The following ACTG1 variants were observed in gnomAD, a reference collection of about 807,000 sequenced individuals.
The protein encoded by ACTG1 is actin gamma 1.
Under a neutral mutation model 34.3 loss-of-function variants are expected in ACTG1, and 14 were observed. That is an observed-to-expected ratio of 0.41 (90% CI 0.27 to 0.64). The LOEUF (loss-of-function observed/expected upper bound fraction) is 0.64. Among genes scored for constraint, ACTG1 ranks in the 30% least tolerant of loss-of-function variants. The pLI is 0.33. For synonymous variants in ACTG1, 422 were observed against 213.9 expected (o/e 1.97, Z -8.49); for missense variants, 233 against 529.5 (o/e 0.44, Z 5.50).
chr17:81,510,037 AT>A lies in ACTG1; in HGVS notation c.*652del. 2.2e-6 allele frequency: 1 copy of A among 448,804 alleles called. No individual in the cohort carries two copies. The highest frequency in any genetic ancestry group is 7.0e-5 in the East Asian group (1 of 14,356). 27.8% of individuals were successfully genotyped at this position (448,804 alleles called of 1,614,324 possible). A position where few individuals can be genotyped will look rare whatever the true frequency, so the allele number is the denominator to read the frequency against. The stretch of plus-strand genomic sequence containing the variant: ...TGTTGCTGGGGCCTAATGTTCTCAC[AT>A]AACAGTAGAAAACCAAAATTTGTTG... On this transcript the variant is annotated 3_prime_UTR_variant, in exon 6 of 6. Transcript: ENST00000573283.
At chr17:81,512,438 CG>C in intron 1 of ACTG1, 78 bp from the exon 2 acceptor site, 2 of 1,610,334 alleles carry the variant, frequency 1.2e-6, no homozygotes, top group South Asian at 2.2e-5. Flanking sequence ...TGCCCTCCCG[CG>C]GGGAAGCCTC....
In ACTG1 at chr17:81,510,263, C is replaced by CA. The variant is rs143167427; in HGVS notation, c.*426dup. ...TTCCAACCCTGACAGACCCGCAAGA[C>CA]AAAACAACTGGTTCTTGCCAGCCTC... On this transcript the variant is annotated 3_prime_UTR_variant, in exon 6 of 6. Transcript: ENST00000573283. The CA allele has an allele frequency of 0.023, 12,287 of 530,316 alleles. 338 individuals are homozygous for CA. Among genetic ancestry groups the CA allele is most frequent in the African/African-American group, 0.098 (4,964 of 50,680 alleles). 32.9% of individuals were successfully genotyped at this position (530,316 alleles called of 1,614,324 possible).
rs1448668266 is a variant in ACTG1, at chr17:81,510,479, C to T, written c.*211G>A. On this transcript the variant is annotated 3_prime_UTR_variant, in exon 6 of 6. Transcript: ENST00000573283. ...TATGTACAGGGTATTAAACAAATAC[C>T]AAGGGGAACAGTTAACTTCAATACA... is the stretch of plus-strand genomic sequence containing the variant. The T allele has an allele frequency of 6.8e-6, 5 of 731,526 alleles. No individual in the cohort carries two copies. Among genetic ancestry groups the T allele is most frequent in the Admixed American group, 2.0e-5 (1 of 49,500 alleles). The allele number at this position is 731,526 out of a possible 1,614,324, so 45.3% of individuals were successfully genotyped here.
chr17:81,510,556 G>C lies in ACTG1; in HGVS notation c.*134C>G, dbSNP rs28478053. The C allele has an allele frequency of 1.7e-6, 2 of 1,169,096 alleles. No individual in the cohort carries two copies. The highest frequency in any genetic ancestry group is 2.5e-6 in the Non-Finnish European group (2 of 788,084). The allele number at this position is 1,169,096 out of a possible 1,614,324, so 72.4% of individuals were successfully genotyped here. ...AATCCAGTGCTGATATCAGATACAAGCTTCAAGGACAATTTCTTTTCGAAG... is the reference window on the plus strand; with the variant it reads ...AATCCAGTGCTGATATCAGATACAACCTTCAAGGACAATTTCTTTTCGAAG... On this transcript the variant is annotated 3_prime_UTR_variant, in exon 6 of 6. Transcript: ENST00000573283.
chr17:81,511,122 C>T lies in ACTG1; in HGVS notation c.803-14G>A. 1 of 1,613,876 alleles carries T rather than the reference C, an allele frequency of 6.2e-7. No homozygotes were observed. On this transcript the variant is annotated splice_polypyrimidine_tract_variant and intron_variant, in intron 4 of 5. Transcript: ENST00000573283. ...AAGATTCCATACCTAGGGGACAGAG[C>T]CCTCCCTTAGTGATGCTGTGTCACC...
intron 3 of ACTG1, 35 bp downstream of exon 3, chr17:81,511,868 G>A (rs782510294): frequency 1.8e-5 from 29 of 1,613,528 alleles, no homozygotes; most frequent in Non-Finnish European, 1.4e-5. Context: ...ACTGGGGAAA[G>A]GACGGGAGGA....
Position 81,512,737 on chromosome 17 carries a change from C to G in ACTG1, c.-10G>C, listed in dbSNP as rs1555667528. On this transcript the variant is annotated 5_prime_UTR_variant, in exon 1 of 6. Coordinates refer to ENST00000573283, the MANE Select transcript of ACTG1 (RefSeq NM_001614.5). Reference sequence around the variant, plus strand: ...GGCCCCGGGGCGGGGCGCTCACCGGCAGAGAAACGCGACGGCGGAGCGGCG... The same window carrying G: ...GGCCCCGGGGCGGGGCGCTCACCGGGAGAGAAACGCGACGGCGGAGCGGCG... 2.4e-6 allele frequency: 1 copy of G among 412,536 alleles called. No homozygotes were observed. The highest frequency in any genetic ancestry group is 4.7e-6 in the Non-Finnish European group (1 of 212,526). 25.6% of individuals were successfully genotyped at this position (412,536 alleles called of 1,614,324 possible).
Position 81,510,871 on chromosome 17 carries a change from C to T in ACTG1, c.985-38G>A, listed in dbSNP as rs527632143. Reference sequence around the variant, plus strand: ...CCAGGCACGGCTTCAGCTCACAGAGCGCCCCCCAGTCAGCTCTCCCGAGCC... The same window carrying T: ...CCAGGCACGGCTTCAGCTCACAGAGTGCCCCCCAGTCAGCTCTCCCGAGCC... On this transcript the variant is annotated intron_variant, in intron 5 of 5. Coordinates refer to ENST00000573283, the MANE Select transcript of ACTG1 (RefSeq NM_001614.5). The T allele has an allele frequency of 4.2e-4, 664 of 1,597,836 alleles. 2 individuals are homozygous for T. The African/African-American group carries it at 7.9e-3, about 19-fold the overall frequency.
At chr17:81,512,202 C>A (rs370205158) in intron 2 of ACTG1, 30 bp downstream of exon 2, 2 of 1,613,442 alleles carry the variant, frequency 1.2e-6, no homozygotes, top group Non-Finnish European at 1.7e-6. Flanking sequence ...CAACGCAGAA[C>A]CCAGGAGCCC....
Position 81,512,089 on chromosome 17 carries a change from C to T in ACTG1, c.177G>A (p.Gln59=), listed in dbSNP as rs11549220. ...TCAGGGTCAGGATGCCACGCTTGCT[C>T]TGGGCCTCGTCGCCCACGTAGGAGT... ...QKDSYVGDEA[Q]SKRGILTLKY... Residue 59 remains glutamine (Q), a synonymous_variant, in exon 3 of 6, where the codon CAG becomes CAA. Transcript: ENST00000573283. 29,879 of 1,613,906 alleles carry T rather than the reference C, an allele frequency of 0.019. 480 individuals are homozygous for T. Among genetic ancestry groups the T allele is most frequent in the South Asian group, 0.057 (5,221 of 91,080 alleles).
rs1555666083 is a variant in ACTG1, at chr17:81,510,272, T to G, written c.*418A>C. 1.4e-5 allele frequency: 7 copies of G among 513,988 alleles called. No homozygotes were observed. Among genetic ancestry groups the G allele is most frequent in the South Asian group, 9.5e-5 (6 of 63,106 alleles). The allele number at this position is 513,988 out of a possible 1,614,324, so 31.8% of individuals were successfully genotyped here. On this transcript the variant is annotated 3_prime_UTR_variant, in exon 6 of 6. Transcript: ENST00000573283. Reference sequence around the variant, plus strand: ...TGACAGACCCGCAAGACAAAACAACTGGTTCTTGCCAGCCTCTAGAGAAAT... The same window carrying G: ...TGACAGACCCGCAAGACAAAACAACGGGTTCTTGCCAGCCTCTAGAGAAAT...
rs373198187 is a variant in ACTG1 at position 81,512,376 on chromosome 17, T to G, written c.-6-16A>C. On this transcript the variant is annotated splice_polypyrimidine_tract_variant and intron_variant, in intron 1 of 5. Transcript: ENST00000573283. ...CCATTGCGACCTGCCCGGAAAAGGATGGACTCAGGCGGGCGCGTCTGTAAC... is the reference window on the plus strand; with the variant it reads ...CCATTGCGACCTGCCCGGAAAAGGAGGGACTCAGGCGGGCGCGTCTGTAAC... The G allele has an allele frequency of 2.5e-6, 4 of 1,613,830 alleles. No homozygotes were observed. The highest frequency in any genetic ancestry group is 1.7e-5 in the Admixed American group (1 of 60,020).
intron 3 of ACTG1, 116 bp from the exon 4 acceptor site, chr17:81,511,742 G>A (rs782603481): frequency 7.2e-6 from 11 of 1,517,316 alleles, no homozygotes; most frequent in East Asian, 4.5e-5. Context: ...AAAGAACGCA[G>A]GCAGAAACCA....
chr17:81,511,712 T>G, intron 3 of ACTG1, 86 bp from the exon 4 acceptor site: 1 of 1,517,540 alleles, frequency 6.6e-7, no homozygotes, highest in African/African-American at 1.4e-5. Flanking sequence ...TGCATGCCAG[T>G]GTGATGTGTG....
Position 81,510,951 on chromosome 17 carries a change from C to G in ACTG1, c.960G>C (p.Leu320=), listed in dbSNP as rs782154966. The G allele has an allele frequency of 3.1e-6, 5 of 1,614,070 alleles. No individual in the cohort carries two copies. The highest frequency in any genetic ancestry group is 4.5e-5 in the East Asian group (2 of 44,888). Residue 320 remains leucine, a synonymous_variant, in exon 5 of 6, where the codon CTG becomes CTC. Coordinates refer to ENST00000573283, the MANE Select transcript of ACTG1 (RefSeq NM_001614.5). The part of the protein sequence containing the change: ...ADRMQKEITA[L]APSTMKIKII... ...CCTTGATCTTCATGGTGCTGGGCGC[C>G]AGGGCGGTGATCTCCTTCTGCATCC...
At position 81,510,656 on chromosome 17, in the gene ACTG1, C is replaced by T. The variant is rs781934582; in HGVS notation, c.*34G>A. On this transcript the variant is annotated 3_prime_UTR_variant, in exon 6 of 6. Transcript: ENST00000573283. ...GGCAAATTTCTATTCTCAATTAACCCATGCAGCAAATGCTACGCATCTGCT... is the reference window on the plus strand; with the variant it reads ...GGCAAATTTCTATTCTCAATTAACCTATGCAGCAAATGCTACGCATCTGCT... The T allele has an allele frequency of 1.2e-6, 2 of 1,613,134 alleles. No homozygotes were observed. Among genetic ancestry groups the T allele is most frequent in the South Asian group, 1.1e-5 (1 of 91,034 alleles).
rs116329164 is a variant in ACTG1 at position 81,511,898 on chromosome 17, C to G, written c.363+5G>C. On this transcript the variant is annotated splice_donor_5th_base_variant and intron_variant, in intron 3 of 5. Transcript: ENST00000573283. ...GGAGGAGCACGGGCGTCGGCCGAGC[C>G]TCACCTGAGTCATCTTCTCTCTGTT... is the stretch of plus-strand genomic sequence containing the variant. 1.9e-6 allele frequency: 3 copies of G among 1,614,136 alleles called. No individual in the cohort carries two copies. The highest frequency in any genetic ancestry group is 1.7e-5 in the Admixed American group (1 of 60,028).
chr17:81,511,710 AGT>A, intron 3 of ACTG1, 84 bp from the exon 4 acceptor site: 1 of 1,523,148 alleles, frequency 6.6e-7, no homozygotes. Context: ...GCTGCATGCC[AGT>A]GTGATGTGTG....
At position 81,510,613 on chromosome 17, in the gene ACTG1, G is replaced by A. The variant is rs782705960; in HGVS notation, c.*77C>T. 31 of 1,567,928 alleles carry A rather than the reference G, an allele frequency of 2.0e-5. No individual in the cohort carries two copies. Among genetic ancestry groups the A allele is most frequent in the Non-Finnish European group, 2.5e-5 (28 of 1,140,110 alleles). ...TCCAGTTTCGTGAGGCTAGCATGAG[G>A]TGTGTGCATTTGCCAGGGGCAAATT... On this transcript the variant is annotated 3_prime_UTR_variant, in exon 6 of 6. Transcript: ENST00000573283.
Sources: gnomAD v4.1 joint callset for allele counts on GRCh38, gnomAD v4.1.1 for gene constraint, MANE v1.5 for transcripts, NCBI Gene and HGNC (gene_info 2026-07-23, HGNC 2026-07-21) for gene names.